ABR: variants seen among roughly 807,000 people sequenced by gnomAD.
The protein encoded by ABR is ABR activator of RhoGEF and GTPase.
In ABR, 35 loss-of-function variants were observed where a neutral mutation model predicts 107.2. The ratio of observed to expected loss-of-function variants is 0.33; its 90% CI spans 0.25 to 0.43. The LOEUF is 0.43. Ranked by LOEUF, ABR falls within the 20% of genes least tolerant of loss-of-function variation. The pLI is 1.00. For missense variants in ABR, 815 were observed against 1,115.2 expected (o/e 0.73, Z 3.83); for synonymous variants, 498 against 462.0 (o/e 1.08, Z -1.00).
At position 1,018,155 on chromosome 17, in the gene ABR, G is replaced by A. The variant is rs375102839; in HGVS notation, c.1792-4991C>T. On this transcript the variant is annotated intron_variant, in intron 16 of 22. Coordinates refer to ENST00000302538, the MANE Select transcript of ABR (RefSeq NM_021962.5). Reference sequence around the variant, plus strand: ...CCTCCCGGGTTCACGCCATTCTCCTGCCTCAGCCTCCTGAGTAGCTGGGAC... The same window carrying A: ...CCTCCCGGGTTCACGCCATTCTCCTACCTCAGCCTCCTGAGTAGCTGGGAC... Among the ~76,000 whole-genome samples, 36 of 152,176 alleles carry A rather than the reference G, an allele frequency of 2.4e-4. No homozygotes were observed. The South Asian group carries it at 6.6e-3, about 28-fold the overall frequency.
intron 16 of ABR, among the ~76,000 whole-genome samples, chr17:1,024,144 G>A (rs1459042437): frequency 6.6e-6 from 1 of 152,114 alleles, no homozygotes; most frequent in African/African-American, 2.4e-5. Context: ...GGGACGTGAG[G>A]GGCTCCAGCA....
intron 1 of ABR, among the ~76,000 whole-genome samples, chr17:1,214,175 G>A (rs529997979): frequency 1.3e-5 from 2 of 152,086 alleles, no homozygotes; most frequent in East Asian, 1.9e-4. Flanking sequence ...ATGAGCCACC[G>A]CTCCCGGCCT....
chr17:1,033,762 G>T (rs937147914), intron 16 of ABR, among the ~76,000 whole-genome samples: 1 of 152,172 alleles, frequency 6.6e-6, no homozygotes, highest in African/African-American at 2.4e-5. Flanking sequence ...AGCACCGCCT[G>T]AGGGGGAGGT....
intron 2 of ABR, among the ~76,000 whole-genome samples, chr17:1,110,705 G>T (rs1456764277): frequency 6.6e-6 from 1 of 152,198 alleles, no homozygotes; most frequent in Non-Finnish European, 1.5e-5. Context: ...CCTGGAGAGA[G>T]GCTCCATCCT....
intron 7 of ABR, 145 bp downstream of exon 7, chr17:1,073,480 C>T (rs1028494450): frequency 8.4e-5 from 52 of 617,578 alleles, no homozygotes; most frequent in East Asian, 6.5e-4. Flanking sequence ...ATGGATACCG[C>T]GGGCCAGACA....
In ABR at chr17:1,203,401, G is replaced by A. The variant is rs1176651678; in HGVS notation, c.838+25392C>T. On this transcript the variant is annotated intron_variant, in intron 1 of 22. Transcript: ENST00000574139. ...GGGGCCTTGAGGGGGCGGGGCCCGC[G>A]GGGGGCGGAGTCTGCGGGGGCGGGG... 6.3e-4 allele frequency among the ~76,000 whole-genome samples: 8 copies of A among 12,622 alleles called. 1 individual carries two copies. Among genetic ancestry groups the A allele is most frequent in the South Asian group, 2.4e-3 (1 of 410 alleles). The allele number at this position is 12,622 out of a possible 152,430, so 8.3% of individuals were successfully genotyped here.
At chr17:1,052,045 G>A (rs949406054) in intron 14 of ABR, among the ~76,000 whole-genome samples, 2 of 151,562 alleles carry the variant, frequency 1.3e-5, no homozygotes, top group Middle Eastern at 6.8e-3. Flanking sequence ...CTGCACTCCA[G>A]CCTGGGCGAC....
intron 10 of ABR, among the ~76,000 whole-genome samples, chr17:1,066,125 A>G (rs1401551959): frequency 3.3e-5 from 5 of 151,974 alleles, no homozygotes; most frequent in Non-Finnish European, 7.4e-5. Context: ...GCGATCCACC[A>G]TCCTCAGCCT....
chr17:1,162,358 C>G (rs2041334420), intron 1 of ABR, among the ~76,000 whole-genome samples: 1 of 152,224 alleles, frequency 6.6e-6, no homozygotes, highest in South Asian at 2.1e-4. Flanking sequence ...TAGACACAGC[C>G]TGGTTTCCTG....
intron 1 of ABR, among the ~76,000 whole-genome samples, chr17:1,137,472 G>A (rs757111412): frequency 5.3e-5 from 8 of 152,176 alleles, no homozygotes; most frequent in Non-Finnish European, 1.0e-4. Flanking sequence ...GCGGGGAGAG[G>A]AGAGAGGCTG....
At chr17:1,049,103 G>A (rs2261081) in intron 16 of ABR, among the ~76,000 whole-genome samples, 50,054 of 152,026 alleles carry the variant, frequency 0.33, 9,057 homozygotes, top group East Asian at 0.67. Flanking sequence ...AGAGACACAG[G>A]CTGCACACAC....
At chr17:1,008,107 C>T (rs1021302105) in intron 21 of ABR, among the ~76,000 whole-genome samples, 1 of 152,008 alleles carries the variant, frequency 6.6e-6, no homozygotes, top group Non-Finnish European at 1.5e-5. Context: ...CCTCGTGGGA[C>T]CCAGGATTGT....
Position 1,050,705 on chromosome 17 carries a change from G to T in ABR, c.1562-71C>A. The T allele has an allele frequency of 3.3e-6, 4 of 1,201,406 alleles. No homozygotes were observed. Among genetic ancestry groups the T allele is most frequent in the Non-Finnish European group, 3.7e-6 (3 of 807,756 alleles). The allele number at this position is 1,201,406 out of a possible 1,614,324, so 74.4% of individuals were successfully genotyped here. A position where few individuals can be genotyped will look rare whatever the true frequency, so the allele number is the denominator to read the frequency against. ...GTGGGGCAGCTGGGGCGGCACTCAGGATGGAGGGGGACATCGCATCTGTCC... is the reference window on the plus strand; with the variant it reads ...GTGGGGCAGCTGGGGCGGCACTCAGTATGGAGGGGGACATCGCATCTGTCC... On this transcript the variant is annotated intron_variant, in intron 14 of 22. Coordinates refer to ENST00000302538, the MANE Select transcript of ABR (RefSeq NM_021962.5). The surrounding 1 kb of genome is among the most constrained non-coding windows in gnomAD (Gnocchi z 4.6).
rs755159704 is a variant in ABR at position 1,011,859 on chromosome 17, G to A, written c.2088C>T (p.Ala696=). 5.1e-6 allele frequency: 8 copies of A among 1,582,086 alleles called. No individual in the cohort carries two copies. Among genetic ancestry groups the A allele is most frequent in the South Asian group, 3.4e-5 (3 of 88,274 alleles). Residue 696 remains alanine, a synonymous_variant, in exon 19 of 23, where the codon GCC becomes GCT. Coordinates refer to ENST00000302538, the MANE Select transcript of ABR (RefSeq NM_021962.5). This position sits in a 1 kb window ranked among gnomAD's most constrained non-coding sequence, Gnocchi z 4.8. ...GVATDIQALK[A]VFDANNKDIL... is the part of the protein sequence containing the mutation. ...TCCCAGACTCACTGGCATCGAAGAC[G>A]GCCTTGAGCGCCTGGATGTCCGTGG...
At chr17:1,076,724 G>GGT (rs2035756793) in intron 6 of ABR, among the ~76,000 whole-genome samples, 1 of 38,348 alleles carries the variant, frequency 2.6e-5, no homozygotes, top group African/African-American at 8.5e-5. Context: ...CGGGGGGGGT[G>GGT]GGGGTGGGGG....
chr17:1,088,843 CCT>C (rs2036812536), intron 4 of ABR, among the ~76,000 whole-genome samples: 1 of 151,266 alleles, frequency 6.6e-6, no homozygotes, highest in South Asian at 2.1e-4. Flanking sequence ...CCCACCTTGG[CCT>C]CCCAAAGTGT....
At chr17:1,176,119 A>T (rs964650836) in intron 1 of ABR, among the ~76,000 whole-genome samples, 2 of 149,930 alleles carry the variant, frequency 1.3e-5, no homozygotes, top group African/African-American at 4.9e-5. Context: ...GAAGTGTGTG[A>T]GGGGAGGGGC....
Position 1,179,004 on chromosome 17 carries a change from G to T in ABR, c.61+663C>A, listed in dbSNP as rs968811239. Among the ~76,000 whole-genome samples, 18 of 146,504 alleles carry T rather than the reference G, an allele frequency of 1.2e-4. No homozygotes were observed. The highest frequency in any genetic ancestry group is 2.1e-4 in the Non-Finnish European group (14 of 66,164). On this transcript the variant is annotated intron_variant, in intron 1 of 22. Transcript: ENST00000302538. This position sits in a 1 kb window ranked among gnomAD's most constrained non-coding sequence, Gnocchi z 4.9. Reference sequence around the variant, plus strand: ...GGGGGTGGAGAACTCGAGAAGGTTTGTTTTTTTTTTCTTCTGAGGGTGGTG... The same window carrying T: ...GGGGGTGGAGAACTCGAGAAGGTTTTTTTTTTTTTTCTTCTGAGGGTGGTG...
intron 2 of ABR, among the ~76,000 whole-genome samples, chr17:1,112,148 T>C (rs2038710001): frequency 6.6e-6 from 1 of 152,248 alleles, no homozygotes; most frequent in Non-Finnish European, 1.5e-5. Context: ...ATCTTGTCTG[T>C]CCATCTGTCT....
Sources: gnomAD v4.1 joint callset for allele counts (sites outside exome capture counted in the v4.1 genomes callset) on GRCh38, gnomAD v4.1.1 for gene constraint, Gnocchi (gnomAD v3.1) non-coding constraint, MANE v1.5 for transcripts, NCBI Gene and HGNC (gene_info 2026-07-23, HGNC 2026-07-21) for gene names.